The following TALDO1 variants were observed in gnomAD, a reference collection of about 807,000 sequenced individuals.
The protein encoded by TALDO1 is transaldolase 1.
TALDO1 carries 29 observed loss-of-function variants against 38.1 expected under a neutral mutation model. That is an observed-to-expected ratio of 0.76 (90% CI 0.57 to 1.04). The LOEUF (loss-of-function observed/expected upper bound fraction) is 1.04, where lower values mean the gene tolerates loss of function less well. Among genes scored for constraint, TALDO1 ranks in the 50% least tolerant of loss-of-function variants. The pLI is 0.00. For missense variants in TALDO1, 499 were observed against 438.1 expected (o/e 1.14, Z -1.24); for synonymous variants, 207 against 176.8 (o/e 1.17, Z -1.36).
chr11:749,896 G>A (rs1468652201), intron 1 of TALDO1, among the ~76,000 whole-genome samples: 1 of 152,174 alleles, frequency 6.6e-6, no homozygotes, highest in African/African-American at 2.4e-5. Context: ...AACTTGTCAT[G>A]TTGAAATGGG....
At chr11:764,037 G>A in intron 6 of TALDO1, 93 bp downstream of exon 6, 1 of 1,493,356 alleles carries the variant, frequency 6.7e-7, no homozygotes, top group South Asian at 1.2e-5. Context: ...CCACCTGTGG[G>A]GCGAGCTCAT....
chr11:747,661 G>T, intron 1 of TALDO1, 83 bp downstream of exon 1: 1 of 1,269,094 alleles, frequency 7.9e-7, no homozygotes, highest in Non-Finnish European at 1.1e-6. Context: ...CTCCCGTTCC[G>T]GGACGCGGAC....
intron 1 of TALDO1, among the ~76,000 whole-genome samples, chr11:753,193 A>G (rs1314786199): frequency 6.6e-6 from 1 of 152,028 alleles, no homozygotes; most frequent in African/African-American, 2.4e-5. Flanking sequence ...CAGGAGTTCG[A>G]GACCAGCCCG....
chr11:763,970 C>G, intron 6 of TALDO1, 26 bp downstream of exon 6: 1 of 1,602,660 alleles, frequency 6.2e-7, no homozygotes, highest in Non-Finnish European at 8.5e-7. Flanking sequence ...CCAGCTGTGG[C>G]TCCTGCTCGG....
intron 2 of TALDO1, among the ~76,000 whole-genome samples, chr11:758,111 G>A (rs181469428): frequency 1.2e-3 from 182 of 152,294 alleles, no homozygotes; most frequent in African/African-American, 3.9e-3. Flanking sequence ...GTGAAACCCC[G>A]TCTCCACCAA....
intron 2 of TALDO1, among the ~76,000 whole-genome samples, chr11:756,939 A>G (rs1391424404): frequency 6.6e-6 from 1 of 152,174 alleles, no homozygotes; most frequent in Non-Finnish European, 1.5e-5. Context: ...GTGGCTTTGC[A>G]TATTTTAGAT....
intron 6 of TALDO1, 42 bp downstream of exon 6, chr11:763,986 G>C (rs1863005891): frequency 1.3e-6 from 2 of 1,595,156 alleles, no homozygotes; most frequent in African/African-American, 2.7e-5. Context: ...CTCGGGCAAG[G>C]CCAGCACTGC....
chr11:759,149 C>CG, intron 3 of TALDO1, 92 bp downstream of exon 3: 1 of 1,100,276 alleles, frequency 9.1e-7, no homozygotes, highest in South Asian at 1.2e-5. Context: ...GCTGCTCCAC[C>CG]CATGGTCTTC....
chr11:756,512 A>ATT (rs34721664), intron 2 of TALDO1, among the ~76,000 whole-genome samples: 1,603 of 115,296 alleles, frequency 0.014, 31 homozygotes, highest in African/African-American at 0.034. Flanking sequence ...TCATTTTTGT[A>ATT]TTTTTTTTTT....
Position 763,499 on chromosome 11 carries a change from A to G in TALDO1, c.617A>G (p.Tyr206Cys), listed in dbSNP as rs758740693. ...WHVANTDKKSYEPLEDPGVKS... is the reference protein window; with the variant it reads ...WHVANTDKKSCEPLEDPGVKS... ...GTGGCAAACACCGACAAGAAATCCT[A>G]TGAGCCCCTGGAAGACCCTGGTGAG... Residue 206 changes from tyrosine (Y) to cysteine (C), a missense_variant, in exon 5 of 8, where the codon TAT (tyrosine) becomes TGT (cysteine). Tyr to Cys is a radical substitution (Grantham distance 194). Coordinates refer to ENST00000319006, the MANE Select transcript of TALDO1 (RefSeq NM_006755.2). 1.5e-5 allele frequency: 24 copies of G among 1,612,976 alleles called. 1 individual carries two copies. In the Admixed American group the frequency reaches 2.3e-4, roughly 16 times the overall value.
At chr11:755,630 G>C in intron 1 of TALDO1, 1 of 536,194 alleles carries the variant, frequency 1.9e-6, no homozygotes, top group Non-Finnish European at 3.4e-6. Flanking sequence ...TGCTGTTACA[G>C]GTCACCTCTT....
rs1862848371 is a variant in TALDO1, at chr11:756,971, G to A, written c.221+969G>A. ...AGATGTCATTTTAGATTCTCTTCAG[G>A]GTAATAATTCAAAGCTTGAAGATGG... On this transcript the variant is annotated intron_variant, in intron 2 of 7. Transcript: ENST00000319006. Among the ~76,000 whole-genome samples the A allele has an allele frequency of 2.6e-5, 4 of 152,080 alleles. No homozygotes were observed. The South Asian group carries it at 8.3e-4, about 31-fold the overall frequency.
chr11:763,432 A>G lies in TALDO1; in HGVS notation c.550A>G (p.Thr184Ala), dbSNP rs759782370. Residue 184 changes from threonine to alanine, a missense_variant, in exon 5 of 8, where the codon ACC becomes GCC. Transcript: ENST00000319006. ...TGTGGCCTGTGCCGAGGCGGGTGTG[A>G]CCCTCATCTCCCCATTTGTTGGGCG... Reference protein sequence around the residue: ...QAVACAEAGVTLISPFVGRIL... With the variant: ...QAVACAEAGVALISPFVGRIL... 2 of 1,612,480 alleles carry G rather than the reference A, an allele frequency of 1.2e-6. No homozygotes were observed. The highest frequency in any genetic ancestry group is 2.2e-5 in the East Asian group (1 of 44,802).
At position 764,819 on chromosome 11, in the gene TALDO1, A is replaced by AT; in HGVS notation, c.989dup (p.Met330IlefsTer13). ...GTGCTCTGTTTGTTTCTAGGAACGA[A>AT]TGTTCAATGCAGAGAATGGAAAGTA... On this transcript the variant is annotated frameshift_variant, in exon 8 of 8. Transcript: ENST00000319006. LOFTEE classifies it high-confidence loss of function. 1 of 1,614,192 alleles carries AT rather than the reference A, an allele frequency of 6.2e-7. No individual in the cohort carries two copies. The highest frequency in any genetic ancestry group is 8.5e-7 in the Non-Finnish European group (1 of 1,180,046).
In TALDO1 at chr11:763,957, T is replaced by A; in HGVS notation, c.835+13T>A. 6.2e-7 allele frequency: 1 copy of A among 1,605,162 alleles called. No homozygotes were observed. The highest frequency in any genetic ancestry group is 8.5e-7 in the Non-Finnish European group (1 of 1,179,212). The stretch of plus-strand genomic sequence containing the variant: ...TCAGCCAAGGCGGGTGAGGCCCCAC[T>A]GCCCAGCTGTGGCTCCTGCTCGGGC... On this transcript the variant is annotated intron_variant, in intron 6 of 7. Coordinates refer to ENST00000319006, the MANE Select transcript of TALDO1 (RefSeq NM_006755.2).
rs1281224073 is a variant in TALDO1, at chr11:756,000, C to T, written c.219C>T (p.Gly73=). The stretch of plus-strand genomic sequence containing the variant: ...CGATTGCCTATGGCCGGAAGCTGGG[C>T]GGGTGAGTGCCTGGACTCGGGAGGG... ...EEAIAYGRKL[G]GSQEDQIKNA... Residue 73 remains glycine, a splice_region_variant and synonymous_variant, in exon 2 of 8, where the codon GGC becomes GGT. Transcript: ENST00000319006. 9.9e-6 allele frequency: 16 copies of T among 1,612,438 alleles called. No homozygotes were observed. Among genetic ancestry groups the T allele is most frequent in the Admixed American group, 1.7e-5 (1 of 59,878 alleles).
chr11:750,647 A>T (rs936811095), intron 1 of TALDO1, among the ~76,000 whole-genome samples: 7 of 152,040 alleles, frequency 4.6e-5, no homozygotes, highest in South Asian at 4.2e-4. Flanking sequence ...ACACGGTGAA[A>T]CCCCATCTCT....
chr11:762,672 G>A (rs1862959181), intron 4 of TALDO1, among the ~76,000 whole-genome samples: 1 of 152,244 alleles, frequency 6.6e-6, no homozygotes, highest in African/African-American at 2.4e-5. Flanking sequence ...CCTGAGCAGA[G>A]CCTTGGCTGT....
At chr11:754,571 A>G (rs548416485) in intron 1 of TALDO1, among the ~76,000 whole-genome samples, 1 of 152,252 alleles carries the variant, frequency 6.6e-6, no homozygotes, top group South Asian at 2.1e-4. Context: ...TCCTGGGTTC[A>G]AGCGATTCTC....
Sources: gnomAD v4.1 joint callset for allele counts (sites outside exome capture counted in the v4.1 genomes callset) on GRCh38, gnomAD v4.1.1 for gene constraint, MANE v1.5 for transcripts, NCBI Gene and HGNC (gene_info 2026-07-23, HGNC 2026-07-21) for gene names.